TTN: variants seen among roughly 807,000 people sequenced by gnomAD.
TTN encodes the protein titin.
Under a neutral mutation model 3,223.0 loss-of-function variants are expected in TTN, and 1,525 were observed. The ratio of observed to expected loss-of-function variants is 0.47; its 90% CI spans 0.45 to 0.49. TTN has a LOEUF of 0.49. TTN is among the 20% of genes least tolerant of loss of function. The pLI is 0.00. For missense variants in TTN, 40,786 were observed against 43,424.0 expected (o/e 0.94, Z 5.40); for synonymous variants, 14,094 against 15,161.0 (o/e 0.93, Z 5.17).
At position 178,717,345 on chromosome 2, in the gene TTN, T is replaced by G. The variant is rs376181650; in HGVS notation, c.25389A>C (p.Val8463=). 6.2e-7 allele frequency: 1 copy of G among 1,613,034 alleles called. No homozygotes were observed. The highest frequency in any genetic ancestry group is 2.2e-5 in the East Asian group (1 of 44,868). The part of the protein sequence containing the change: ...EVPPFFDLKP[V]SVDLALGESG... Reference sequence around the variant, plus strand: ...TTTCTCCAAGAGCAAGATCTACTGATACAGGCTTTAGATCAAAGAAAGGAG... The same window carrying G: ...TTTCTCCAAGAGCAAGATCTACTGAGACAGGCTTTAGATCAAAGAAAGGAG... The change falls in exon 88 of 363, where the codon GTA becomes GTC. Residue 8463 remains valine (V), a synonymous_variant. Transcript: ENST00000589042.
At chr2:178,760,879 G>A (rs1020776698) in intron 43 of TTN, 2 of 152,474 alleles carry the variant, frequency 1.3e-5, no homozygotes, top group African/African-American at 2.4e-5. Context: ...GTGTGTGTGT[G>A]TGTGTGAGAT....
At chr2:178,780,398 A>T (rs1009531137) in intron 21 of TTN, among the ~76,000 whole-genome samples, 193 bp from the exon 22 acceptor site, 1 of 152,236 alleles carries the variant, frequency 6.6e-6, no homozygotes, top group Non-Finnish European at 1.5e-5. Context: ...AAATCCAACC[A>T]GCCATTACAA....
intron 47 of TTN, chr2:178,748,138 A>C: frequency 1.2e-6 from 2 of 1,613,212 alleles, no homozygotes; most frequent in Non-Finnish European, 1.7e-6. Context: ...CATTTTCTAG[A>C]GGACAACTTT....
intron 294 of TTN, among the ~76,000 whole-genome samples, 156 bp from the exon 295 acceptor site, chr2:178,595,965 A>G (rs2051466609): frequency 6.6e-6 from 1 of 151,020 alleles, no homozygotes; most frequent in South Asian, 2.1e-4. Flanking sequence ...TATCTAGTCA[A>G]TACAAAAACA....
chr2:178,773,954 A>G lies in TTN; in HGVS notation c.7214T>C (p.Ile2405Thr), dbSNP rs776126188. The change falls in exon 31 of 363, where the codon ATA (isoleucine) becomes ACA (threonine). Residue 2405 changes from isoleucine (I) to threonine (T), a missense_variant. By Grantham distance (89) the Ile-to-Thr change is moderately conservative. Transcript: ENST00000589042. Reference sequence around the variant, plus strand: ...GAGCAGCATATGAGATTGTTTGTCTATCACAATGTGAACCCTGTCACTGGG... The same window carrying G: ...GAGCAGCATATGAGATTGTTTGTCTGTCACAATGTGAACCCTGTCACTGGG... ...VQPSDRVHIV[I>T]DKQSHMLLIE... is the part of the protein sequence containing the mutation. 3.7e-6 allele frequency: 6 copies of G among 1,614,088 alleles called. No individual in the cohort carries two copies. The highest frequency in any genetic ancestry group is 5.1e-6 in the Non-Finnish European group (6 of 1,179,980).
Position 178,632,972 on chromosome 2 carries a change from C to G in TTN, c.43159G>C (p.Glu14387Gln). 6.2e-7 allele frequency: 1 copy of G among 1,613,286 alleles called. No individual in the cohort carries two copies. The highest frequency in any genetic ancestry group is 8.5e-7 in the Non-Finnish European group (1 of 1,179,462). The change falls in exon 234 of 363, where the codon GAG (glutamate) becomes CAG (glutamine). Residue 14387 changes from glutamate to glutamine, a missense_variant. Transcript: ENST00000589042. The stretch of plus-strand genomic sequence containing the variant: ...GCATTAGCAGCCTGGAAGGAAACCT[C>G]TCCTGTCATACCCAGCTGACAGTTA... ...LHNCQLGMTG[E>Q]VSFQAANAKS... is the part of the protein sequence containing the mutation.
rs1351038764 is a variant in TTN at position 178,672,050 on chromosome 2, A to G, written c.35148T>C (p.Val11716=). 1.9e-6 allele frequency: 3 copies of G among 1,610,694 alleles called. No individual in the cohort carries two copies. Among genetic ancestry groups the G allele is most frequent in the Non-Finnish European group, 2.5e-6 (3 of 1,178,804 alleles). Residue 11716 remains valine (V), a synonymous_variant, in exon 155 of 363, where the codon GTT becomes GTC. Transcript: ENST00000589042. Reference sequence around the variant, plus strand: ...CTTCTATTACCCTATGAACTTTTTCAACTCTGTGTTCTTCTTCAACTCTAT... The same window carrying G: ...CTTCTATTACCCTATGAACTTTTTCGACTCTGTGTTCTTCTTCAACTCTAT... ...EQHRVEEEHR[V]EKVHRVIEVF...
intron 265 of TTN, 35 bp from the exon 266 acceptor site, chr2:178,612,611 T>A: frequency 6.3e-7 from 1 of 1,583,800 alleles, no homozygotes. Flanking sequence ...ATTCATTTTT[T>A]TTTTTATTAC....
Position 178,602,128 on chromosome 2 carries a change from G to A in TTN, c.55143C>T (p.Asp18381=), listed in dbSNP as rs1057522461. ...AAACCAGACAGTCCTGTGCTCCAAT[G>A]TCAATGAAAACTTCTGGTTCCTCTG... ...DIQEEPEVFI[D]IGAQDCLVCK... Residue 18381 remains aspartate (D), a synonymous_variant, in exon 284 of 363, where the codon GAC becomes GAT. Coordinates refer to ENST00000589042, the MANE Select transcript of TTN (RefSeq NM_001267550.2). 20 of 1,606,372 alleles carry A rather than the reference G, an allele frequency of 1.2e-5. No homozygotes were observed. The highest frequency in any genetic ancestry group is 1.7e-5 in the Admixed American group (1 of 58,892).
intron 354 of TTN, 126 bp downstream of exon 354, chr2:178,538,414 C>CT: frequency 2.2e-6 from 2 of 892,100 alleles, no homozygotes; most frequent in Non-Finnish European, 3.3e-6. Context: ...TGTGTGTGTA[C>CT]TTGCTTTTCT....
Position 178,572,876 on chromosome 2 carries a change from G to A in TTN, c.73256C>T (p.Ala24419Val). The change falls in exon 326 of 363, where the codon GCT (alanine) becomes GTT (valine). Residue 24419 changes from alanine (A) to valine (V), a missense_variant. Transcript: ENST00000589042. ...TTCTGGAGGCAGCATTCTGTCTTCA[G>A]CCTTTGGAGTTCCAGGAACAAGGGC... ...EPALVPGTPK[A>V]EDRMLPPEIE... 6.2e-7 allele frequency: 1 copy of A among 1,613,410 alleles called. No individual in the cohort carries two copies. The highest frequency in any genetic ancestry group is 8.5e-7 in the Non-Finnish European group (1 of 1,179,588).
At chr2:178,778,301 A>T (rs1437982973) in intron 24 of TTN, 1 of 327,196 alleles carries the variant, frequency 3.1e-6, no homozygotes, top group East Asian at 7.2e-5. Flanking sequence ...TTTAACTACT[A>T]AAACATCCTA....
intron 121 of TTN, among the ~76,000 whole-genome samples, chr2:178,691,228 G>C (rs2072329338): frequency 6.6e-6 from 1 of 152,094 alleles, no homozygotes; most frequent in Non-Finnish European, 1.5e-5. Context: ...CTCCTAAATT[G>C]GATAATGTTG....
rs1184082030 is a variant in TTN, at chr2:178,565,554, C to G, written c.80578G>C (p.Gly26860Arg). The G allele has an allele frequency of 6.2e-7, 1 of 1,613,412 alleles. No individual in the cohort carries two copies. The highest frequency in any genetic ancestry group is 1.1e-5 in the South Asian group (1 of 91,078). Residue 26860 changes from glycine (G) to arginine (R), a missense_variant, in exon 326 of 363, where the codon GGA becomes CGA. By Grantham distance (125) the Gly-to-Arg change is moderately radical (BLOSUM62 -2). Coordinates refer to ENST00000589042, the MANE Select transcript of TTN (RefSeq NM_001267550.2). ...QFRVKAYNEK[G>R]KSDPRVLGVP... ...CCCAACACTCTTGGATCGCTTTTTC[C>G]TTTCTCATTATAAGCCTTGACACGG...
intron 354 of TTN, chr2:178,538,334 G>A: frequency 1.9e-6 from 1 of 534,442 alleles, no homozygotes; most frequent in Non-Finnish European, 3.2e-6. Flanking sequence ...AAAGTGCTCA[G>A]TTCACTCCAT....
chr2:178,694,363 C>T (rs2073173068), intron 117 of TTN: 1 of 448,552 alleles, frequency 2.2e-6, no homozygotes, highest in African/African-American at 2.0e-5. Context: ...ACTAATTAAA[C>T]ACAAACCTTC....
chr2:178,616,667 T>C (rs757063727), intron 256 of TTN, 37 bp from the exon 257 acceptor site: 1 of 1,612,002 alleles, frequency 6.2e-7, no homozygotes, highest in Admixed American at 1.7e-5. Context: ...CTGTTAATAG[T>C]CTGAACTAAT....
rs550882549 is a variant in TTN, at chr2:178,717,118, C to A, written c.25616G>T (p.Cys8539Phe). Residue 8539 changes from cysteine to phenylalanine, a missense_variant, in exon 88 of 363, where the codon TGT (cysteine) becomes TTT (phenylalanine). Transcript: ENST00000589042. ...YASNIAGKDS[C>F]SAQLGVQEPP... Reference sequence around the variant, plus strand: ...ACCTTGTACACCCAGCTGAGCAGAACAAGAGTCTTTTCCAGCGATGTTGCT... The same window carrying A: ...ACCTTGTACACCCAGCTGAGCAGAAAAAGAGTCTTTTCCAGCGATGTTGCT... 195 of 1,613,100 alleles carry A rather than the reference C, an allele frequency of 1.2e-4. 1 individual carries two copies. In the South Asian group the frequency reaches 2.0e-3, roughly 16 times the overall value.
At position 178,647,537 on chromosome 2, in the gene TTN, A is replaced by T. The variant is rs1576895485; in HGVS notation, c.40058-73T>A. On this transcript the variant is annotated intron_variant, in intron 213 of 362. Coordinates refer to ENST00000589042, the MANE Select transcript of TTN (RefSeq NM_001267550.2). Reference sequence around the variant, plus strand: ...AAGATTGTCTAAAGAGCAGGCAAAGAATGCAGGGGCAAGAGCTTCATCTTA... The same window carrying T: ...AAGATTGTCTAAAGAGCAGGCAAAGTATGCAGGGGCAAGAGCTTCATCTTA... The T allele has an allele frequency of 2.1e-6, 3 of 1,411,634 alleles. No homozygotes were observed. In the South Asian group the frequency reaches 3.7e-5, roughly 18 times the overall value. The allele number at this position is 1,411,634 out of a possible 1,614,324, so 87.4% of individuals were successfully genotyped here.
Sources: allele counts gnomAD v4.1 joint callset (sites outside exome capture counted in the v4.1 genomes callset), GRCh38; gene constraint gnomAD v4.1.1; transcripts MANE v1.5; gene names NCBI Gene and HGNC (gene_info 2026-07-23, HGNC 2026-07-21).